MRPL45: variants seen among roughly 807,000 people sequenced by gnomAD.
The protein encoded by MRPL45 is mitochondrial ribosomal protein L45.
MRPL45 carries 20 observed loss-of-function variants against 38.1 expected under a neutral mutation model. That is an observed-to-expected ratio of 0.53 (90% CI 0.37 to 0.76). The LOEUF (loss-of-function observed/expected upper bound fraction) is 0.76, where lower values mean the gene tolerates loss of function less well. Among genes scored for constraint, MRPL45 ranks in the 30% least tolerant of loss-of-function variants. The probability of loss-of-function intolerance (pLI) is 0.00; values close to 1 mark genes in which losing one functional copy is unlikely to be tolerated. For synonymous variants in MRPL45, 105 were observed against 128.8 expected, an observed-to-expected ratio of 0.82 and a Z score of 1.25; for missense variants, 337 against 395.6, an observed-to-expected ratio of 0.85 and a Z score of 1.26.
intron 5 of MRPL45, among the ~76,000 whole-genome samples, chr17:38,319,988 A>G (rs752679613): frequency 2.6e-5 from 4 of 152,208 alleles, no homozygotes; most frequent in Admixed American, 1.3e-4. Context: ...CAGTAGTCCC[A>G]GCTACTCGGG....
chr17:38,314,016 T>A (rs1463064708), intron 4 of MRPL45, among the ~76,000 whole-genome samples: 1 of 151,952 alleles, frequency 6.6e-6, no homozygotes, highest in African/African-American at 2.4e-5. Flanking sequence ...GTTATAGGAG[T>A]TCTTTATATA....
Position 38,322,283 on chromosome 17 carries a change from A to C in MRPL45, c.818A>C (p.Lys273Thr). The part of the protein sequence containing the change: ...TKIVPPWAPP[K>T]QPILKTVMIP... ...ATCGTTCCCCCATGGGCACCCCCTAAGCAGCCCATCCTTAAGGTAAGGTGG... is the reference window on the plus strand; with the variant it reads ...ATCGTTCCCCCATGGGCACCCCCTACGCAGCCCATCCTTAAGGTAAGGTGG... The change falls in exon 7 of 8, where the codon AAG (lysine) becomes ACG (threonine). Residue 273 changes from lysine to threonine, a missense_variant. Physicochemically the swap from Lys to Thr is moderately conservative, Grantham distance 78. This residue lies in a region of MRPL45 where 251 missense variants were observed against 269.1 expected (regional missense o/e 0.93). Coordinates refer to ENST00000613675, the MANE Select transcript of MRPL45 (RefSeq NM_032351.6). The C allele has an allele frequency of 6.2e-7, 1 of 1,614,000 alleles. No individual in the cohort carries two copies. Among genetic ancestry groups the C allele is most frequent in the Non-Finnish European group, 8.5e-7 (1 of 1,179,980 alleles).
At chr17:38,312,747 G>A (rs925469242) in intron 4 of MRPL45, among the ~76,000 whole-genome samples, 19 of 151,888 alleles carry the variant, frequency 1.3e-4, no homozygotes, top group Admixed American at 2.0e-4. Flanking sequence ...GAGGTGCTAA[G>A]GCAGAAGGAT....
chr17:38,318,827 C>CTTT, intron 5 of MRPL45, 92 bp downstream of exon 5: 4 of 119,782 alleles, frequency 3.3e-5, no homozygotes, highest in African/African-American at 4.4e-5. Flanking sequence ...CTTTTCTTTT[C>CTTT]TTTTTTTTTT....
At chr17:38,309,475 T>A (rs2037088198) in intron 4 of MRPL45, among the ~76,000 whole-genome samples, 1 of 150,252 alleles carries the variant, frequency 6.7e-6, no homozygotes. Context: ...TGAGCCGAGA[T>A]CGTGCAGCTG....
chr17:38,306,541 G>A lies in MRPL45; in HGVS notation c.371G>A (p.Arg124Lys), dbSNP rs753737673. 6.2e-7 allele frequency: 1 copy of A among 1,607,246 alleles called. No homozygotes were observed. The highest frequency in any genetic ancestry group is 1.7e-5 in the Admixed American group (1 of 58,552). Residue 124 changes from arginine to lysine, a missense_variant, in exon 4 of 8, where the codon AGG becomes AAG. Around this residue, in one of 3 missense-constraint regions of MRPL45, gnomAD observed 251 missense variants for 269.1 expected, o/e 0.93. Coordinates refer to ENST00000613675, the MANE Select transcript of MRPL45 (RefSeq NM_032351.6). ...KTMASQVSIRRIKDYDANFKI... is the reference protein window; with the variant it reads ...KTMASQVSIRKIKDYDANFKI... ...CAGGCTTAATTTTACAGAATCCGGA[G>A]GATAAAAGACTATGATGCCAACTTT...
At position 38,305,347 on chromosome 17, in the gene MRPL45, G is replaced by A. The variant is rs1373402974; in HGVS notation, c.363-1186G>A. On this transcript the variant is annotated intron_variant, in intron 3 of 7. Transcript: ENST00000613675. ...GCGGGCGGGGTGATGTGTGCCTGTA[G>A]TCCCAGCTACTTGGGAGGCTGAGGC... is the stretch of plus-strand genomic sequence containing the variant. Among the ~76,000 whole-genome samples the A allele has an allele frequency of 7.7e-5, 11 of 143,534 alleles. No individual in the cohort carries two copies. The East Asian group carries it at 1.6e-3, about 21-fold the overall frequency. The allele number at this position is 143,534 out of a possible 152,430, so 94.2% of individuals were successfully genotyped here. A position where few individuals can be genotyped will look rare whatever the true frequency, so the allele number is the denominator to read the frequency against.
Position 38,313,311 on chromosome 17 carries a change from A to AAAAT in MRPL45, c.462-5375_462-5374insAATA, listed in dbSNP as rs1311544521. 1.5e-3 allele frequency among the ~76,000 whole-genome samples: 12 copies of AAAAT among 7,868 alleles called. 1 individual carries two copies. The highest frequency in any genetic ancestry group is 0.011 in the East Asian group (3 of 266). The allele number at this position is 7,868 out of a possible 152,430, so 5.2% of individuals were successfully genotyped here. A position where few individuals can be genotyped will look rare whatever the true frequency, so the allele number is the denominator to read the frequency against. On this transcript the variant is annotated intron_variant, in intron 4 of 7. Transcript: ENST00000613675. ...TTCCTTTCTATTAAAAAAAAAAAAA[A>AAAAT]ATATATATATATATATATATACATA...
intron 5 of MRPL45, among the ~76,000 whole-genome samples, chr17:38,320,391 G>A (rs1477464386): frequency 6.6e-6 from 1 of 152,190 alleles, no homozygotes; most frequent in East Asian, 1.9e-4. Context: ...AGAGGAAGGT[G>A]GGTCTGAAGT....
chr17:38,320,502 T>C, intron 5 of MRPL45, 116 bp from the exon 6 acceptor site: 2 of 1,057,388 alleles, frequency 1.9e-6, no homozygotes, highest in Non-Finnish European at 2.8e-6. Context: ...GAGCATGTGG[T>C]GGGAAACGTG....
chr17:38,322,467 A>G (rs1200583689), intron 7 of MRPL45, 42 bp from the exon 8 acceptor site: 1 of 1,564,622 alleles, frequency 6.4e-7, no homozygotes, highest in Non-Finnish European at 8.8e-7. Flanking sequence ...TGGGTCAGCC[A>G]TGGGCTTGGT....
chr17:38,298,120 G>A (rs1412021512), intron 1 of MRPL45, among the ~76,000 whole-genome samples: 1 of 152,110 alleles, frequency 6.6e-6, no homozygotes, highest in Non-Finnish European at 1.5e-5. Context: ...GCCCATTTCA[G>A]TATTGAGTTG....
rs2036959860 is a variant in MRPL45 at position 38,298,550 on chromosome 17, T to G, written c.168T>G (p.Phe56Leu). The G allele has an allele frequency of 2.5e-6, 4 of 1,613,838 alleles. No individual in the cohort carries two copies. The highest frequency in any genetic ancestry group is 1.7e-5 in the Admixed American group (1 of 59,970). Residue 56 changes from phenylalanine to leucine, a missense_variant, in exon 2 of 8, where the codon TTT becomes TTG. Phe to Leu is a conservative substitution (Grantham distance 22). Around this residue, in one of 3 missense-constraint regions of MRPL45, gnomAD observed 60 missense variants for 109.6 expected, o/e 0.55. Coordinates refer to ENST00000613675, the MANE Select transcript of MRPL45 (RefSeq NM_032351.6). The part of the protein sequence containing the change: ...YQPKFKTEKE[F>L]MQHARKAGLV... The stretch of plus-strand genomic sequence containing the variant: ...CTAAATTTAAAACAGAAAAGGAGTT[T>G]ATGCAACATGCCCGGAAAGCAGGAT...
chr17:38,308,422 A>G (rs1328876275), intron 4 of MRPL45, among the ~76,000 whole-genome samples: 2 of 73,512 alleles, frequency 2.7e-5, no homozygotes, highest in Non-Finnish European at 6.1e-5. Context: ...TTTATTTCTC[A>G]AAACATTGTT....
In MRPL45 at chr17:38,302,505, AG is replaced by A. The variant is rs2037008144; in HGVS notation, c.362+3038del. ...CCATCTCAAAAAAAAAAAAAAAAAAAGTTTGTTTTTTTTTTTTTTTTTTAGA... is the reference window on the plus strand; with the variant it reads ...CCATCTCAAAAAAAAAAAAAAAAAAATTTGTTTTTTTTTTTTTTTTTTAGA... On this transcript the variant is annotated intron_variant, in intron 3 of 7. Coordinates refer to ENST00000613675, the MANE Select transcript of MRPL45 (RefSeq NM_032351.6). 5.5e-4 allele frequency among the ~76,000 whole-genome samples: 28 copies of A among 50,648 alleles called. 5 individuals are homozygous for A. Among genetic ancestry groups the A allele is most frequent in the East Asian group, 1.5e-3 (1 of 678 alleles). 33.2% of individuals were successfully genotyped at this position (50,648 alleles called of 152,430 possible).
At chr17:38,313,702 G>A (rs1288358488) in intron 4 of MRPL45, among the ~76,000 whole-genome samples, 2 of 148,092 alleles carry the variant, frequency 1.4e-5, no homozygotes, top group Admixed American at 6.8e-5. Flanking sequence ...TTGCTCTGTC[G>A]CCCAGACAGG....
chr17:38,322,582 C>T lies in MRPL45; in HGVS notation c.908C>T (p.Pro303Leu). 1.2e-6 allele frequency: 2 copies of T among 1,612,816 alleles called. No homozygotes were observed. Among genetic ancestry groups the T allele is most frequent in the Non-Finnish European group, 1.7e-6 (2 of 1,179,676 alleles). Reference protein sequence around the residue: ...YEEAQGEAQKPQLA With the variant: ...YEEAQGEAQKLQLA The stretch of plus-strand genomic sequence containing the variant: ...GAGGCACAAGGAGAGGCCCAGAAGC[C>T]TCAGCTAGCCTGATGACAAAAATGA... Residue 303 changes from proline to leucine, a missense_variant, in exon 8 of 8, where the codon CCT (proline) becomes CTT (leucine). Transcript: ENST00000613675.
Position 38,317,455 on chromosome 17 carries a change from T to C in MRPL45, c.462-1232T>C, listed in dbSNP as rs986819957. ...CATAGTAAACTGGGGAAAAGTCGTGTGTATCTGAAAGAAGCTAATCTATGG... is the reference window on the plus strand; with the variant it reads ...CATAGTAAACTGGGGAAAAGTCGTGCGTATCTGAAAGAAGCTAATCTATGG... On this transcript the variant is annotated intron_variant, in intron 4 of 7. Coordinates refer to ENST00000613675, the MANE Select transcript of MRPL45 (RefSeq NM_032351.6). 2.0e-5 allele frequency among the ~76,000 whole-genome samples: 3 copies of C among 152,156 alleles called. No homozygotes were observed. The South Asian group carries it at 6.2e-4, about 31-fold the overall frequency.
chr17:38,304,687 G>A (rs1363349594), intron 3 of MRPL45, among the ~76,000 whole-genome samples: 1 of 152,032 alleles, frequency 6.6e-6, no homozygotes, highest in Admixed American at 6.6e-5. Flanking sequence ...GGGACTACGG[G>A]CGCCTGCCAC....
Sources: allele counts gnomAD v4.1 joint callset (sites outside exome capture counted in the v4.1 genomes callset), GRCh38; gene constraint gnomAD v4.1.1; regional missense constraint gnomAD v4.1.1; transcripts MANE v1.5; gene names NCBI Gene and HGNC (gene_info 2026-07-23, HGNC 2026-07-21).